The following L3MBTL4 variants were observed in gnomAD, a reference collection of about 807,000 sequenced individuals.
L3MBTL4 encodes lethal(3)malignant brain tumor-like protein 4.
Under a neutral mutation model 84.5 loss-of-function variants are expected in L3MBTL4, and 70 were observed. The ratio of observed to expected loss-of-function variants is 0.83; its 90% CI spans 0.68 to 1.01. The LOEUF (loss-of-function observed/expected upper bound fraction) is 1.01. Among genes scored for constraint, L3MBTL4 ranks in the 50% least tolerant of loss-of-function variants. The pLI, the probability that L3MBTL4 is intolerant of heterozygous loss-of-function variation, is 0.00. For synonymous variants in L3MBTL4, 274 were observed against 259.8 expected, an observed-to-expected ratio of 1.05 and a Z score of -0.52; for missense variants, 715 against 754.8, an observed-to-expected ratio of 0.95 and a Z score of 0.62.
At chr18:6,287,820 A>AAGATT (rs1332473516) in intron 4 of L3MBTL4, among the ~76,000 whole-genome samples, 5 of 152,218 alleles carry the variant, frequency 3.3e-5, no homozygotes, top group Admixed American at 3.3e-4. Context: ...CACAGCCTTT[A>AAGATT]TAAGATTACC....
At chr18:6,404,853 T>TTTTA (rs973508412) in intron 1 of L3MBTL4, among the ~76,000 whole-genome samples, 6 of 132,136 alleles carry the variant, frequency 4.5e-5, no homozygotes, top group Non-Finnish European at 9.7e-5. Context: ...GCCTGGATAA[T>TTTTA]TTTTTTTTTT....
At chr18:6,180,977 C>T (rs1440278089) in intron 12 of L3MBTL4, among the ~76,000 whole-genome samples, 1 of 152,144 alleles carries the variant, frequency 6.6e-6, no homozygotes, top group East Asian at 1.9e-4. Flanking sequence ...TGCTACAACA[C>T]AGATGAACAT....
intron 14 of L3MBTL4, among the ~76,000 whole-genome samples, chr18:6,131,226 A>G (rs746371329): frequency 6.6e-6 from 1 of 152,082 alleles, no homozygotes; most frequent in Non-Finnish European, 1.5e-5. Flanking sequence ...GCTTGCAAGC[A>G]CTCCACTGCC....
At chr18:6,348,885 G>C (rs1599733186) in intron 1 of L3MBTL4, among the ~76,000 whole-genome samples, 1 of 152,284 alleles carries the variant, frequency 6.6e-6, no homozygotes, top group East Asian at 1.9e-4. Flanking sequence ...AGAGAAATGG[G>C]CAAAAGCTTT....
chr18:6,123,830 T>C (rs1192384125), intron 14 of L3MBTL4, among the ~76,000 whole-genome samples: 2 of 152,224 alleles, frequency 1.3e-5, no homozygotes, highest in Non-Finnish European at 2.9e-5. Flanking sequence ...TTACTTTTAG[T>C]TAAGGGCTAG....
At chr18:6,168,302 T>C (rs2043783998) in intron 13 of L3MBTL4, among the ~76,000 whole-genome samples, 1 of 152,180 alleles carries the variant, frequency 6.6e-6, no homozygotes, top group South Asian at 2.1e-4. Context: ...CCAATGACCT[T>C]CTTCACAAAA....
chr18:6,378,867 T>C (rs2144314981), intron 1 of L3MBTL4, among the ~76,000 whole-genome samples: 1 of 152,334 alleles, frequency 6.6e-6, no homozygotes, highest in Non-Finnish European at 1.5e-5. Context: ...AAGTCAATGG[T>C]AGCTTGATGG....
intron 8 of L3MBTL4, 27 bp from the exon 9 acceptor site, chr18:6,239,899 G>A: frequency 6.2e-7 from 1 of 1,613,072 alleles, no homozygotes. Context: ...AGGGGAAGAA[G>A]CACAAAAAGA....
At chr18:6,119,378 C>T (rs868611470) in intron 14 of L3MBTL4, among the ~76,000 whole-genome samples, 21 of 152,156 alleles carry the variant, frequency 1.4e-4, no homozygotes, top group African/African-American at 4.8e-4. Flanking sequence ...AGATTTTCCT[C>T]GTGCCCAGGA....
In L3MBTL4 at chr18:6,395,225, T is replaced by C. The variant is rs28536767; in HGVS notation, c.-91+19576A>G. 2.0e-5 allele frequency: 3 copies of C among 151,968 alleles called. No individual in the cohort carries two copies. In the South Asian group the frequency reaches 6.2e-4, roughly 31 times the overall value. 9.4% of individuals were successfully genotyped at this position (151,968 alleles called of 1,614,324 possible). A position where few individuals can be genotyped will look rare whatever the true frequency, so the allele number is the denominator to read the frequency against. On this transcript the variant is annotated intron_variant, in intron 1 of 18. Coordinates refer to ENST00000317931, the MANE Select transcript of L3MBTL4 (RefSeq NM_001330559.2). Reference sequence around the variant, plus strand: ...TGTCTCAAAATATTTTATTTATATATATATATGAGACTATTACATCCAGGA... The same window carrying C: ...TGTCTCAAAATATTTTATTTATATACATATATGAGACTATTACATCCAGGA...
At chr18:6,173,211 C>T (rs1447408245) in intron 12 of L3MBTL4, among the ~76,000 whole-genome samples, 4 of 152,116 alleles carry the variant, frequency 2.6e-5, no homozygotes, top group Admixed American at 2.6e-4. Context: ...GACAGAGTGC[C>T]CTTTCATAGT....
chr18:6,326,089 A>G (rs1472714781), intron 1 of L3MBTL4, among the ~76,000 whole-genome samples: 2 of 152,218 alleles, frequency 1.3e-5, no homozygotes, highest in African/African-American at 2.4e-5. Context: ...GGAGGAGTCT[A>G]TGACTGAACC....
chr18:6,005,439 G>T (rs2054430780), intron 16 of L3MBTL4, among the ~76,000 whole-genome samples: 2 of 152,148 alleles, frequency 1.3e-5, no homozygotes, highest in Admixed American at 6.5e-5. Context: ...TCACCACCCA[G>T]ATAATAAACA....
intron 16 of L3MBTL4, among the ~76,000 whole-genome samples, chr18:5,973,310 G>A (rs2052745462): frequency 6.6e-6 from 1 of 152,194 alleles, no homozygotes; most frequent in Admixed American, 6.5e-5. Flanking sequence ...TGCCACTGCA[G>A]GGTGGACATC....
intron 13 of L3MBTL4, among the ~76,000 whole-genome samples, chr18:6,156,075 C>T (rs916699251): frequency 1.3e-5 from 2 of 152,130 alleles, no homozygotes; most frequent in Non-Finnish European, 2.9e-5. Flanking sequence ...TTCTCATTCT[C>T]CTTGACCCCC....
At chr18:6,028,623 G>A (rs1048487349) in intron 16 of L3MBTL4, among the ~76,000 whole-genome samples, 53 of 152,212 alleles carry the variant, frequency 3.5e-4, no homozygotes, top group African/African-American at 1.3e-3. Flanking sequence ...AAATTACTTT[G>A]GGCAGTATGG....
intron 11 of L3MBTL4, among the ~76,000 whole-genome samples, chr18:6,213,646 A>T (rs945993347): frequency 2.0e-5 from 3 of 152,152 alleles, no homozygotes; most frequent in Admixed American, 1.3e-4. Context: ...CCTTGACCTC[A>T]GGTGATCTGC....
rs114699658 is a variant in L3MBTL4 at position 6,172,623 on chromosome 18, A to G, written c.982-681T>C. 4.0e-3 allele frequency among the ~76,000 whole-genome samples: 602 copies of G among 152,252 alleles called. 4 individuals carry two copies. Among genetic ancestry groups the G allele is most frequent in the African/African-American group, 0.014 (584 of 41,534 alleles). On this transcript the variant is annotated intron_variant, in intron 12 of 18. Transcript: ENST00000317931. ...CAACAAGGCTAATTATTGCAAGGAT[A>G]ATTTATCTTGCATCTTATCTGCAAA...
At chr18:6,251,396 G>A (rs1438292267) in intron 5 of L3MBTL4, among the ~76,000 whole-genome samples, 1 of 152,244 alleles carries the variant, frequency 6.6e-6, no homozygotes, top group African/African-American at 2.4e-5. Context: ...ATAAGATAGA[G>A]AAGGAATAGT....
Sources: gnomAD v4.1 joint callset for allele counts (sites outside exome capture counted in the v4.1 genomes callset) on GRCh38, gnomAD v4.1.1 for gene constraint, MANE v1.5 for transcripts, NCBI Gene and HGNC (gene_info 2026-07-23, HGNC 2026-07-21) for gene names.